ERO1B: variants seen among roughly 807,000 people sequenced by gnomAD.
The protein encoded by ERO1B is ERO1-like protein beta.
ERO1B carries 49 observed loss-of-function variants against 75.3 expected under a neutral mutation model. The ratio of observed to expected loss-of-function variants is 0.65; its 90% CI spans 0.52 to 0.83. The LOEUF (loss-of-function observed/expected upper bound fraction) is 0.83, where lower values mean the gene tolerates loss of function less well. Ranked by LOEUF, ERO1B falls within the 40% of genes least tolerant of loss-of-function variation. The probability of loss-of-function intolerance (pLI) is 0.00; values close to 1 mark genes in which losing one functional copy is unlikely to be tolerated. For synonymous variants in ERO1B, 191 were observed against 192.9 expected, an observed-to-expected ratio of 0.99 and a Z score of 0.08; for missense variants, 512 against 560.1, an observed-to-expected ratio of 0.91 and a Z score of 0.87.
chr1:236,238,716 ATATAT>A (rs1049993323), intron 6 of ERO1B, among the ~76,000 whole-genome samples: 4 of 151,070 alleles, frequency 2.6e-5, no homozygotes, highest in South Asian at 2.1e-4. Flanking sequence ...TCTGACACAT[ATATAT>A]TATATATTTA....
At chr1:236,232,769 C>T in intron 9 of ERO1B, 59 bp downstream of exon 9, 2 of 1,512,898 alleles carry the variant, frequency 1.3e-6, no homozygotes, top group Non-Finnish European at 1.8e-6. Flanking sequence ...AAATCAAATT[C>T]TGATTGTTAC....
chr1:236,271,328 T>C (rs988247821), intron 1 of ERO1B, among the ~76,000 whole-genome samples: 2 of 152,202 alleles, frequency 1.3e-5, no homozygotes, highest in Non-Finnish European at 2.9e-5. Context: ...TTCATTCTCA[T>C]TCTCTCTCCC....
intron 1 of ERO1B, among the ~76,000 whole-genome samples, chr1:236,281,059 C>G (rs1453519586): frequency 6.6e-6 from 1 of 152,212 alleles, no homozygotes; most frequent in Non-Finnish European, 1.5e-5. Context: ...TCAGACCCCC[C>G]CAGTCTCGTA....
chr1:236,265,592 TA>T (rs1665416459), intron 2 of ERO1B, among the ~76,000 whole-genome samples: 2 of 152,226 alleles, frequency 1.3e-5, no homozygotes, highest in African/African-American at 4.8e-5. Flanking sequence ...AAGAGTCTCC[TA>T]AATGGTTCCT....
chr1:236,280,888 T>TAG (rs1293351671), intron 1 of ERO1B, among the ~76,000 whole-genome samples: 1 of 152,178 alleles, frequency 6.6e-6, no homozygotes, highest in African/African-American at 2.4e-5. Context: ...TTCTACTGAA[T>TAG]AGAAGCAAAC....
At chr1:236,253,620 C>T in intron 2 of ERO1B, 115 bp from the exon 3 acceptor site, 5 of 684,958 alleles carry the variant, frequency 7.3e-6, no homozygotes, top group Non-Finnish European at 1.3e-5. Flanking sequence ...TACTTCCTAT[C>T]CTCGTGGCAC....
Position 236,216,436 on chromosome 1 carries a change from C to T in ERO1B, c.*2080G>A, listed in dbSNP as rs1420248071. On this transcript the variant is annotated 3_prime_UTR_variant, in exon 16 of 16. Transcript: ENST00000354619. ...ACATACACAAAAATGTAGGCTGCCC[C>T]TACAATCTAATTTATGATAAAATAA... is the stretch of plus-strand genomic sequence containing the variant. The T allele has an allele frequency of 6.6e-6, 1 of 152,056 alleles. No individual in the cohort carries two copies. Among genetic ancestry groups the T allele is most frequent in the East Asian group, 1.9e-4 (1 of 5,192 alleles). 9.4% of individuals were successfully genotyped at this position (152,056 alleles called of 1,614,324 possible).
At chr1:236,240,623 A>G (rs1445175070) in intron 6 of ERO1B, among the ~76,000 whole-genome samples, 3 of 152,198 alleles carry the variant, frequency 2.0e-5, no homozygotes, top group Non-Finnish European at 2.9e-5. Context: ...CTAAAAATCT[A>G]TCATGCTATT....
intron 1 of ERO1B, among the ~76,000 whole-genome samples, chr1:236,275,098 T>C (rs1665682192): frequency 6.6e-6 from 1 of 152,182 alleles, no homozygotes; most frequent in Non-Finnish European, 1.5e-5. Context: ...TAGACCACTA[T>C]AAGATTTTAG....
intron 13 of ERO1B, among the ~76,000 whole-genome samples, chr1:236,222,413 G>A (rs916358247): frequency 2.0e-5 from 3 of 152,022 alleles, no homozygotes; most frequent in South Asian, 2.1e-4. Context: ...TACCCAACCC[G>A]AGTTGTGTTT....
At chr1:236,278,730 G>C (rs937594732) in intron 1 of ERO1B, among the ~76,000 whole-genome samples, 7 of 152,122 alleles carry the variant, frequency 4.6e-5, no homozygotes, top group Non-Finnish European at 5.9e-5. Flanking sequence ...TATGCCTTTA[G>C]TTTCCAGTGC....
At chr1:236,273,705 C>T (rs1665646870) in intron 1 of ERO1B, among the ~76,000 whole-genome samples, 1 of 150,426 alleles carries the variant, frequency 6.6e-6, no homozygotes, top group African/African-American at 2.5e-5. Flanking sequence ...ACTCAAGAGG[C>T]TGAGATGGGA....
chr1:236,261,257 G>T (rs1319142882), intron 2 of ERO1B, among the ~76,000 whole-genome samples: 1 of 152,072 alleles, frequency 6.6e-6, no homozygotes, highest in Non-Finnish European at 1.5e-5. Context: ...AGACAAGAAC[G>T]CCCACTCTTG....
intron 9 of ERO1B, among the ~76,000 whole-genome samples, chr1:236,231,969 C>T (rs2102943601): frequency 6.6e-6 from 1 of 152,246 alleles, no homozygotes; most frequent in East Asian, 1.9e-4. Flanking sequence ...TACTGTCTCC[C>T]CAAACATGCC....
intron 2 of ERO1B, among the ~76,000 whole-genome samples, chr1:236,256,958 G>A (rs887467450): frequency 1.3e-5 from 2 of 152,184 alleles, no homozygotes; most frequent in Non-Finnish European, 2.9e-5. Context: ...ACAGGCATCT[G>A]CCTCAGATGC....
intron 1 of ERO1B, among the ~76,000 whole-genome samples, chr1:236,276,852 A>C (rs74619825): frequency 2.0e-3 from 311 of 152,306 alleles, no homozygotes; most frequent in Non-Finnish European, 3.6e-3. Context: ...TCTTCACTCA[A>C]ATCTCATGTC....
At chr1:236,229,596 T>A (rs75568266) in intron 10 of ERO1B, among the ~76,000 whole-genome samples, 2,383 of 152,248 alleles carry the variant, frequency 0.016, 60 homozygotes, top group African/African-American at 0.052. Flanking sequence ...TTTAATTTCA[T>A]ATACTAATGG....
intron 1 of ERO1B, among the ~76,000 whole-genome samples, chr1:236,277,173 G>A (rs1002136071): frequency 2.0e-5 from 3 of 152,152 alleles, no homozygotes; most frequent in African/African-American, 4.8e-5. Flanking sequence ...GGAGGCCAAG[G>A]CAGGCAGATC....
Position 236,280,679 on chromosome 1 carries a change from A to G in ERO1B, c.102+1003T>C, listed in dbSNP as rs952447118. The stretch of plus-strand genomic sequence containing the variant: ...TAAAACCATGAAATAAAGTGACTCA[A>G]TTCAGAAAAACATGTTTTCACGGTT... On this transcript the variant is annotated intron_variant, in intron 1 of 15. Transcript: ENST00000354619. Among the ~76,000 whole-genome samples, 4 of 152,350 alleles carry G rather than the reference A, an allele frequency of 2.6e-5. No individual in the cohort carries two copies. In the South Asian group the frequency reaches 8.3e-4, roughly 32 times the overall value.
Sources: allele counts gnomAD v4.1 joint callset (sites outside exome capture counted in the v4.1 genomes callset), GRCh38; gene constraint gnomAD v4.1.1; transcripts MANE v1.5; gene names NCBI Gene and HGNC (gene_info 2026-07-23, HGNC 2026-07-21).